The following CLCNKB variants were observed in gnomAD, a reference collection of about 807,000 sequenced individuals.
CLCNKB encodes chloride voltage-gated channel Kb, also known as chloride channel protein ClC-Kb.
In CLCNKB, 74 loss-of-function variants were observed where a neutral mutation model predicts 83.8. The observed-to-expected ratio is 0.88, with a 90% CI of 0.73 to 1.07. The LOEUF is 1.07. Among genes scored for constraint, CLCNKB ranks in the 50% least tolerant of loss-of-function variants. CLCNKB has a pLI of 0.00. For synonymous variants in CLCNKB, 358 were observed against 356.6 expected, an observed-to-expected ratio of 1.00 and a Z score of -0.04; for missense variants, 798 against 893.6, an observed-to-expected ratio of 0.89 and a Z score of 1.36.
At chr1:16,046,717 CA>C in intron 4 of CLCNKB, 54 bp downstream of exon 4, 3 of 1,608,420 alleles carry the variant, frequency 1.9e-6, no homozygotes, top group Middle Eastern at 3.3e-4. Flanking sequence ...TCTCAGATCC[CA>C]GGGGGGAGTC....
At chr1:16,056,236 G>A (rs921093506) in intron 18 of CLCNKB, among the ~76,000 whole-genome samples, 186 bp from the exon 19 acceptor site, 1 of 152,096 alleles carries the variant, frequency 6.6e-6, no homozygotes, top group African/African-American at 2.4e-5. Flanking sequence ...CTGCGGCCCC[G>A]CCCAGACCCT....
At position 16,052,345 on chromosome 1, in the gene CLCNKB, T is replaced by C; in HGVS notation, c.1556T>C (p.Phe519Ser). The change falls in exon 15 of 20, where the codon TTC (phenylalanine) becomes TCC (serine). Residue 519 changes from phenylalanine to serine, a missense_variant. By Grantham distance (155) the Phe-to-Ser change is radical. Coordinates refer to ENST00000375679, the MANE Select transcript of CLCNKB (RefSeq NM_000085.5). Reference sequence around the variant, plus strand: ...ATTGCACAGAGCTGCCAGCCCTCCTTCTATGATGGCACCGTCATTGTCAAG... The same window carrying C: ...ATTGCACAGAGCTGCCAGCCCTCCTCCTATGATGGCACCGTCATTGTCAAG... ...NAIAQSCQPS[F>S]YDGTVIVKKL... 6.2e-7 allele frequency: 1 copy of C among 1,613,186 alleles called. No individual in the cohort carries two copies. The highest frequency in any genetic ancestry group is 1.1e-5 in the South Asian group (1 of 91,076).
Position 16,055,696 on chromosome 1 carries a change from G to T in CLCNKB, c.1867G>T (p.Ala623Ser). 6.8e-6 allele frequency: 11 copies of T among 1,613,844 alleles called. No individual in the cohort carries two copies. Among genetic ancestry groups the T allele is most frequent in the Non-Finnish European group, 8.5e-6 (10 of 1,180,016 alleles). Residue 623 changes from alanine to serine, a missense_variant, in exon 18 of 20, where the codon GCT (alanine) becomes TCT (serine). By Grantham distance (99) the Ala-to-Ser change is moderately conservative (BLOSUM62 1). Coordinates refer to ENST00000375679, the MANE Select transcript of CLCNKB (RefSeq NM_000085.5). ...CCAGCAGTGTCTCCAGGACATCTTG[G>T]CTGCAGGCTGCCCCACAGAACCAGT... is the stretch of plus-strand genomic sequence containing the variant. ...GHQQCLQDILAAGCPTEPVTL... is the reference protein window; with the variant it reads ...GHQQCLQDILSAGCPTEPVTL...
intron 14 of CLCNKB, 121 bp downstream of exon 14, chr1:16,051,941 C>T: frequency 1.7e-5 from 15 of 891,314 alleles, no homozygotes; most frequent in Non-Finnish European, 2.7e-5. Flanking sequence ...AACCCCCTAC[C>T]CCTCATGGGG....
At chr1:16,051,405 A>T in intron 12 of CLCNKB, 73 bp from the exon 13 acceptor site, 1 of 1,544,858 alleles carries the variant, frequency 6.5e-7, no homozygotes. Context: ...CCCCTGTCCC[A>T]TGTCCTGTCC....
At position 16,056,415 on chromosome 1, in the gene CLCNKB, C is replaced by A; in HGVS notation, c.1930-7C>A. On this transcript the variant is annotated splice_region_variant and splice_polypyrimidine_tract_variant and intron_variant, in intron 18 of 19. Transcript: ENST00000375679. ...CCCTCCAGTGTTTCCTAACATCCCC[C>A]ATCCAGGCACACAACCTCTTTGAGC... 1 of 1,614,016 alleles carries A rather than the reference C, an allele frequency of 6.2e-7. No individual in the cohort carries two copies. Among genetic ancestry groups the A allele is most frequent in the East Asian group, 2.2e-5 (1 of 44,884 alleles).
chr1:16,051,819 A>C lies in CLCNKB; in HGVS notation c.1407A>C (p.Ala469=). The stretch of plus-strand genomic sequence containing the variant: ...TCATGCCAGGGGGGTATGCTCTGGC[A>C]GGTGAGTGGGTCAGGGGCCTGCTGC... ...NPIMPGGYAL[A]GAAAFSGAVT... The change falls in exon 14 of 20, where the codon GCA becomes GCC. Residue 469 remains alanine, a splice_region_variant and synonymous_variant. Transcript: ENST00000375679. 2 of 1,611,608 alleles carry C rather than the reference A, an allele frequency of 1.2e-6. No homozygotes were observed. Among genetic ancestry groups the C allele is most frequent in the Non-Finnish European group, 1.7e-6 (2 of 1,178,024 alleles).
At chr1:16,048,969 C>A in intron 7 of CLCNKB, 151 bp from the exon 8 acceptor site, 1 of 1,543,606 alleles carries the variant, frequency 6.5e-7, no homozygotes, top group Non-Finnish European at 8.7e-7. Flanking sequence ...CCGCCCAGGG[C>A]GCATGCCCTG....
chr1:16,044,052 G>C (rs1365139669), intron 1 of CLCNKB, among the ~76,000 whole-genome samples, 172 bp downstream of exon 1: 4 of 152,074 alleles, frequency 2.6e-5, no homozygotes, highest in Non-Finnish European at 5.9e-5. Context: ...GGTGCTCATA[G>C]GTGGACAGGG....
chr1:16,049,784 G>A (rs766491056), intron 9 of CLCNKB, 31 bp from the exon 10 acceptor site: 5 of 1,613,656 alleles, frequency 3.1e-6, no homozygotes, highest in African/African-American at 1.3e-5. Context: ...ACTGGGGTCG[G>A]GCTCTGGGCT....
chr1:16,054,308 GT>G (rs2023381187), intron 16 of CLCNKB, among the ~76,000 whole-genome samples: 1 of 152,170 alleles, frequency 6.6e-6, no homozygotes, highest in African/African-American at 2.4e-5. Context: ...CAAGGCTGCT[GT>G]CAGCCCATGT....
chr1:16,054,574 C>A (rs1482888828), intron 16 of CLCNKB, among the ~76,000 whole-genome samples: 1 of 152,150 alleles, frequency 6.6e-6, no homozygotes, highest in African/African-American at 2.4e-5. Flanking sequence ...GATTGCCAGA[C>A]GTTCTCACTC....
Position 16,050,697 on chromosome 1 carries a change from A to C in CLCNKB, c.1053+97A>C. 2.0e-6 allele frequency: 3 copies of C among 1,488,460 alleles called. No homozygotes were observed. In the South Asian group the frequency reaches 3.4e-5, roughly 17 times the overall value. 92.2% of individuals were successfully genotyped at this position (1,488,460 alleles called of 1,614,324 possible). A position where few individuals can be genotyped will look rare whatever the true frequency, so the allele number is the denominator to read the frequency against. ...TAATCCCCCCAATACCCCATAAGGG[A>C]GATGCCTCAGCATTATTTTATAGAT... On this transcript the variant is annotated intron_variant, in intron 11 of 19. Coordinates refer to ENST00000375679, the MANE Select transcript of CLCNKB (RefSeq NM_000085.5).
Position 16,057,082 on chromosome 1 carries a change from C to A in CLCNKB, c.*166C>A, listed in dbSNP as rs1283818940. 8.0e-6 allele frequency: 6 copies of A among 746,950 alleles called. No homozygotes were observed. The highest frequency in any genetic ancestry group is 1.4e-5 in the Non-Finnish European group (6 of 416,996). The allele number at this position is 746,950 out of a possible 1,614,324, so 46.3% of individuals were successfully genotyped here. On this transcript the variant is annotated 3_prime_UTR_variant, in exon 20 of 20. Transcript: ENST00000375679. ...CTAGCCCAGAAGAGGATGGCTCATCCTGGGTGGGACGATGGCTCCTGCCTT... is the reference window on the plus strand; with the variant it reads ...CTAGCCCAGAAGAGGATGGCTCATCATGGGTGGGACGATGGCTCCTGCCTT...
intron 12 of CLCNKB, among the ~76,000 whole-genome samples, 185 bp from the exon 13 acceptor site, chr1:16,051,293 G>T (rs1305570134): frequency 6.6e-6 from 1 of 152,168 alleles, no homozygotes; most frequent in East Asian, 1.9e-4. Context: ...CTGGCACAGT[G>T]CCAGGGCATA....
chr1:16,056,423 C>T lies in CLCNKB; in HGVS notation c.1931C>T (p.Ala644Val), dbSNP rs763059438. Reference protein sequence around the residue: ...KLSPETSLHEAHNLFELLNLH... With the variant: ...KLSPETSLHEVHNLFELLNLH... ...TGTTTCCTAACATCCCCCATCCAGG[C>T]ACACAACCTCTTTGAGCTGTTGAAC... Residue 644 changes from alanine (A) to valine (V), a missense_variant and splice_region_variant, in exon 19 of 20, where the codon GCA becomes GTA. Ala to Val is a moderately conservative substitution (Grantham distance 64, BLOSUM62 0). Transcript: ENST00000375679. 6.2e-7 allele frequency: 1 copy of T among 1,614,076 alleles called. No individual in the cohort carries two copies. The highest frequency in any genetic ancestry group is 8.5e-7 in the Non-Finnish European group (1 of 1,179,984).
chr1:16,049,877 T>A lies in CLCNKB; in HGVS notation c.929T>A (p.Ile310Asn), dbSNP rs1248333377. 6.2e-7 allele frequency: 1 copy of A among 1,613,876 alleles called. No homozygotes were observed. The highest frequency in any genetic ancestry group is 1.7e-5 in the Admixed American group (1 of 60,006). ...TGTCAGCGAATCTTCTTTGGCTTCA[T>A]CAGGAACAATAGGTTCAGCTCCAAA... is the stretch of plus-strand genomic sequence containing the variant. ...LFCQRIFFGFIRNNRFSSKLL... is the reference protein window; with the variant it reads ...LFCQRIFFGFNRNNRFSSKLL... Residue 310 changes from isoleucine to asparagine, a missense_variant, in exon 10 of 20, where the codon ATC (isoleucine) becomes AAC (asparagine). Physicochemically the swap from Ile to Asn is moderately radical, Grantham distance 149. Coordinates refer to ENST00000375679, the MANE Select transcript of CLCNKB (RefSeq NM_000085.5).
chr1:16,055,563 G>A (rs762120487), intron 17 of CLCNKB, 40 bp downstream of exon 17: 31 of 1,493,820 alleles, frequency 2.1e-5, no homozygotes, highest in Non-Finnish European at 1.5e-5. Flanking sequence ...GGCGGGGGTG[G>A]GTCAGCAGGA....
intron 7 of CLCNKB, chr1:16,048,796 T>C: frequency 1.4e-6 from 2 of 1,449,860 alleles, no homozygotes; most frequent in Non-Finnish European, 1.8e-6. Flanking sequence ...TGTAACATTA[T>C]ACAGACTTGG....
Sources: gnomAD v4.1 joint callset for allele counts (sites outside exome capture counted in the v4.1 genomes callset) on GRCh38, gnomAD v4.1.1 for gene constraint, MANE v1.5 for transcripts, NCBI Gene and HGNC (gene_info 2026-07-23, HGNC 2026-07-21) for gene names.